Variants in SLC24A3 observed in about 807,000 individuals in gnomAD.
SLC24A3 encodes the protein sodium/potassium/calcium exchanger 3.
A neutral mutation model predicts 75.8 loss-of-function variants in SLC24A3; 28 were observed. The ratio of observed to expected loss-of-function variants is 0.37; its 90% CI spans 0.27 to 0.51. The LOEUF (loss-of-function observed/expected upper bound fraction) is 0.51. SLC24A3 is among the 20% of genes least tolerant of loss of function. The probability of loss-of-function intolerance (pLI) is 0.94; values close to 1 mark genes in which losing one functional copy is unlikely to be tolerated. For missense variants in SLC24A3, 663 were observed against 847.8 expected, an observed-to-expected ratio of 0.78 and a Z score of 2.71; for synonymous variants, 372 against 334.1, an observed-to-expected ratio of 1.11 and a Z score of -1.24.
At chr20:19,401,381 T>A (rs1029720740) in intron 2 of SLC24A3, among the ~76,000 whole-genome samples, 1 of 152,168 alleles carries the variant, frequency 6.6e-6, no homozygotes, top group Admixed American at 6.5e-5. Flanking sequence ...TGGAAACGAT[T>A]GTTGCATCTG....
At chr20:19,225,487 T>G (rs1981845939) in intron 1 of SLC24A3, among the ~76,000 whole-genome samples, 1 of 152,188 alleles carries the variant, frequency 6.6e-6, no homozygotes, top group African/African-American at 2.4e-5. Context: ...ATTGATATCA[T>G]ACTACATATA....
chr20:19,484,641 A>AATGCAT (rs148314549), intron 2 of SLC24A3, among the ~76,000 whole-genome samples: 15,256 of 152,182 alleles, frequency 0.1, 805 homozygotes, highest in South Asian at 0.11. Flanking sequence ...AGAGTAGTCA[A>AATGCAT]ATGCATAGAG....
chr20:19,528,178 CACAGTTTA>C (rs1460680626), intron 3 of SLC24A3, among the ~76,000 whole-genome samples: 1 of 152,160 alleles, frequency 6.6e-6, no homozygotes, highest in Admixed American at 6.5e-5. Context: ...TCTTTGTTTT[CACAGTTTA>C]AAGAAACTCA....
chr20:19,584,848 G>A (rs1297758528), intron 4 of SLC24A3, 123 bp from the exon 5 acceptor site: 14 of 768,382 alleles, frequency 1.8e-5, no homozygotes, highest in Middle Eastern at 3.0e-4. Flanking sequence ...AGGTCCCATC[G>A]GTCCTACTCT....
chr20:19,537,383 G>A (rs1600271235), intron 3 of SLC24A3, among the ~76,000 whole-genome samples: 2 of 152,304 alleles, frequency 1.3e-5, no homozygotes, highest in Non-Finnish European at 2.9e-5. Context: ...AACAACAGGT[G>A]CTGGAGAGGA....
chr20:19,397,641 T>C (rs3838373), intron 2 of SLC24A3, among the ~76,000 whole-genome samples: 2,481 of 113,836 alleles, frequency 0.022, 68 homozygotes, highest in African/African-American at 0.091. Context: ...GCTTTTTTTT[T>C]CTTTTCTTTT....
At chr20:19,325,682 G>T (rs1367136441) in intron 2 of SLC24A3, among the ~76,000 whole-genome samples, 2 of 144,918 alleles carry the variant, frequency 1.4e-5, no homozygotes, top group Non-Finnish European at 3.0e-5. Flanking sequence ...AGATTTTTTT[G>T]TTTTTTTGTT....
At chr20:19,487,826 G>A (rs745688252) in intron 2 of SLC24A3, among the ~76,000 whole-genome samples, 2 of 152,156 alleles carry the variant, frequency 1.3e-5, no homozygotes, top group African/African-American at 2.4e-5. Context: ...CCACTTTGAG[G>A]TCATGAAGCT....
chr20:19,220,721 C>G (rs1163654446), intron 1 of SLC24A3, among the ~76,000 whole-genome samples: 1 of 152,188 alleles, frequency 6.6e-6, no homozygotes, highest in Admixed American at 6.5e-5. Flanking sequence ...TCAGTCTTGT[C>G]TGCACATTGT....
At chr20:19,562,616 G>A (rs947511432) in intron 3 of SLC24A3, among the ~76,000 whole-genome samples, 2 of 152,220 alleles carry the variant, frequency 1.3e-5, no homozygotes, top group African/African-American at 4.8e-5. Context: ...GTAATAAGAA[G>A]CTTCAGTATG....
At chr20:19,461,811 G>C (rs1325751910) in intron 2 of SLC24A3, among the ~76,000 whole-genome samples, 1 of 152,104 alleles carries the variant, frequency 6.6e-6, no homozygotes, top group Non-Finnish European at 1.5e-5. Context: ...GAAGTTACAG[G>C]AGTGAGCCAT....
intron 1 of SLC24A3, among the ~76,000 whole-genome samples, chr20:19,262,960 G>C (rs149798380): frequency 2.0e-5 from 3 of 151,896 alleles, no homozygotes; most frequent in Admixed American, 6.6e-5. Flanking sequence ...TGGAGTGACC[G>C]TATGGGATTC....
At chr20:19,659,370 G>A (rs1381250508) in intron 7 of SLC24A3, among the ~76,000 whole-genome samples, 1 of 152,226 alleles carries the variant, frequency 6.6e-6, no homozygotes. Flanking sequence ...CCTGCCACAG[G>A]TGCCCAGCAC....
intron 1 of SLC24A3, among the ~76,000 whole-genome samples, chr20:19,250,862 G>A (rs80187811): frequency 5.3e-5 from 8 of 152,242 alleles, no homozygotes; most frequent in African/African-American, 1.9e-4. Flanking sequence ...CTTATAGGAT[G>A]GAAATTGTTA....
At chr20:19,308,773 G>A (rs960204807) in intron 2 of SLC24A3, among the ~76,000 whole-genome samples, 1 of 152,176 alleles carries the variant, frequency 6.6e-6, no homozygotes, top group Non-Finnish European at 1.5e-5. Flanking sequence ...ATCTGGCATC[G>A]TTGGGATATC....
chr20:19,250,869 G>A (rs1227293140), intron 1 of SLC24A3, among the ~76,000 whole-genome samples: 1 of 152,140 alleles, frequency 6.6e-6, no homozygotes, highest in East Asian at 1.9e-4. Context: ...GATGGAAATT[G>A]TTATCTTCAT....
intron 2 of SLC24A3, among the ~76,000 whole-genome samples, chr20:19,427,139 A>G (rs984657259): frequency 3.9e-5 from 6 of 152,156 alleles, no homozygotes; most frequent in Non-Finnish European, 7.3e-5. Flanking sequence ...GTGTGTGTGC[A>G]TGCACGCGCA....
intron 3 of SLC24A3, among the ~76,000 whole-genome samples, chr20:19,574,313 G>C (rs1023400574): frequency 6.6e-6 from 1 of 152,150 alleles, no homozygotes; most frequent in Non-Finnish European, 1.5e-5. Context: ...TTTTTTCACT[G>C]TGGCTCTTTT....
At chr20:19,649,339 AC>A (rs2032173760) in intron 6 of SLC24A3, among the ~76,000 whole-genome samples, 1 of 152,214 alleles carries the variant, frequency 6.6e-6, no homozygotes, top group African/African-American at 2.4e-5. Context: ...AAACAGTGAA[AC>A]ATTCAACCAC....
Sources: allele counts gnomAD v4.1 joint callset (sites outside exome capture counted in the v4.1 genomes callset), GRCh38; gene constraint gnomAD v4.1.1; transcripts MANE v1.5; gene names NCBI Gene and HGNC (gene_info 2026-07-23, HGNC 2026-07-21).